VPS41: variants seen among roughly 807,000 people sequenced by gnomAD.
VPS41 encodes VPS41 subunit of HOPS complex, also known as vacuolar protein sorting-associated protein 41 homolog.
In VPS41, 85 loss-of-function variants were observed where a neutral mutation model predicts 130.9. The observed-to-expected ratio is 0.65, with a 90% CI of 0.55 to 0.78. The LOEUF is 0.78. VPS41 is among the 30% of genes least tolerant of loss of function. The probability of loss-of-function intolerance (pLI) is 0.00; values close to 1 mark genes in which losing one functional copy is unlikely to be tolerated. For synonymous variants in VPS41, 335 were observed against 332.9 expected (o/e 1.01, Z -0.07); for missense variants, 874 against 1,018.7 (o/e 0.86, Z 1.93).
At chr7:38,809,346 T>A (rs2116054967) in intron 7 of VPS41, among the ~76,000 whole-genome samples, 1 of 147,404 alleles carries the variant, frequency 6.8e-6, no homozygotes, top group African/African-American at 2.4e-5. Flanking sequence ...TATATATATG[T>A]ATATTTTATA....
At position 38,726,226 on chromosome 7, in the gene VPS41, G is replaced by A. The variant is rs753588276; in HGVS notation, c.*20C>T. 1.4e-5 allele frequency: 22 copies of A among 1,575,414 alleles called. 1 individual carries two copies. In the South Asian group the frequency reaches 2.2e-4, roughly 16 times the overall value. On this transcript the variant is annotated 3_prime_UTR_variant, in exon 29 of 29. Coordinates refer to ENST00000310301, the MANE Select transcript of VPS41 (RefSeq NM_014396.4). ...GTCTCAAAAAGAGTGGTGACAAGGA[G>A]ACTGACAAGGAGAAATGAGCTATTT...
At position 38,726,914 on chromosome 7, in the gene VPS41, T is replaced by C; in HGVS notation, c.2479A>G (p.Ser827Gly). The C allele has an allele frequency of 1.9e-6, 3 of 1,566,130 alleles. No homozygotes were observed. Among genetic ancestry groups the C allele is most frequent in the Non-Finnish European group, 2.6e-6 (3 of 1,157,178 alleles). The stretch of plus-strand genomic sequence containing the variant: ...GTGCCAAGCTGCCAACTCACCATGC[T>C]GGGCATGGGCAGGCACTCCTTGTGG... ...MFHKECLPMP[S>G]MNSAAQFCNI... The change falls in exon 28 of 29, where the codon AGC (serine) becomes GGC (glycine). Residue 827 changes from serine (S) to glycine (G), a missense_variant. Coordinates refer to ENST00000310301, the MANE Select transcript of VPS41 (RefSeq NM_014396.4).
chr7:38,870,984 G>A (rs1266963189), intron 2 of VPS41, among the ~76,000 whole-genome samples: 1 of 151,744 alleles, frequency 6.6e-6, no homozygotes, highest in African/African-American at 2.4e-5. Flanking sequence ...AAGAATAAAT[G>A]GAAGGAAAAT....
intron 19 of VPS41, among the ~76,000 whole-genome samples, chr7:38,755,956 T>C (rs1220994655): frequency 3.3e-5 from 5 of 152,194 alleles, no homozygotes; most frequent in Admixed American, 6.5e-5. Flanking sequence ...TGACTCAGTA[T>C]TTTAAAAAGG....
intron 6 of VPS41, among the ~76,000 whole-genome samples, chr7:38,820,520 C>T (rs541712787): frequency 6.6e-6 from 1 of 152,290 alleles, no homozygotes; most frequent in South Asian, 2.1e-4. Context: ...TATACAGTCA[C>T]CATATTAATT....
chr7:38,765,829 T>A (rs1784033038), intron 15 of VPS41, 168 bp from the exon 16 acceptor site: 1 of 511,354 alleles, frequency 2.0e-6, no homozygotes, highest in East Asian at 3.2e-5. Flanking sequence ...GATATTACTG[T>A]TACTCATTTG....
At chr7:38,857,314 T>C (rs1019153382) in intron 4 of VPS41, among the ~76,000 whole-genome samples, 4 of 152,234 alleles carry the variant, frequency 2.6e-5, no homozygotes, top group African/African-American at 7.2e-5. Context: ...ATTTTATAAA[T>C]ATTTATATAA....
intron 9 of VPS41, among the ~76,000 whole-genome samples, chr7:38,794,156 C>A (rs1784580084): frequency 6.6e-6 from 1 of 152,104 alleles, no homozygotes; most frequent in African/African-American, 2.4e-5. Context: ...AACTAACAAG[C>A]AACCTGGTCC....
chr7:38,811,419 T>C (rs1216396343), intron 7 of VPS41, among the ~76,000 whole-genome samples: 2 of 152,058 alleles, frequency 1.3e-5, no homozygotes, highest in Non-Finnish European at 2.9e-5. Flanking sequence ...ATTTACATGA[T>C]AAAATTTAAT....
In VPS41 at chr7:38,737,700, A is replaced by T. The variant is rs78432791; in HGVS notation, c.2259+4285T>A. 6.6e-5 allele frequency among the ~76,000 whole-genome samples: 10 copies of T among 152,336 alleles called. No individual in the cohort carries two copies. The East Asian group carries it at 1.9e-3, about 29-fold the overall frequency. ...GATACAAATATGGGGGTCGATCACC[A>T]CAATAACACAAGTCCAGAGGAGTTT... On this transcript the variant is annotated intron_variant, in intron 25 of 28. Transcript: ENST00000310301.
intron 5 of VPS41, among the ~76,000 whole-genome samples, chr7:38,824,284 T>A (rs921100267): frequency 6.6e-6 from 1 of 152,228 alleles, no homozygotes; most frequent in Non-Finnish European, 1.5e-5. Context: ...AACACACCTG[T>A]ACAGTTAAAA....
intron 5 of VPS41, among the ~76,000 whole-genome samples, chr7:38,826,780 T>C (rs1001688767): frequency 2.0e-5 from 3 of 152,152 alleles, no homozygotes; most frequent in Admixed American, 1.3e-4. Context: ...CTCTATGGCA[T>C]ATAAAAAGTA....
At chr7:38,752,064 C>T in intron 22 of VPS41, 112 bp downstream of exon 22, 1 of 1,448,408 alleles carries the variant, frequency 6.9e-7, no homozygotes, top group Non-Finnish European at 9.4e-7. Flanking sequence ...AACAGTCTTC[C>T]CCCTGGAAAG....
At chr7:38,736,623 C>A (rs1215240603) in intron 25 of VPS41, among the ~76,000 whole-genome samples, 1 of 152,222 alleles carries the variant, frequency 6.6e-6, no homozygotes, top group Non-Finnish European at 1.5e-5. Context: ...ATGGGCCCAG[C>A]AGTGAGAGAT....
At chr7:38,833,070 T>C (rs1785423716) in intron 4 of VPS41, among the ~76,000 whole-genome samples, 1 of 152,222 alleles carries the variant, frequency 6.6e-6, no homozygotes, top group Non-Finnish European at 1.5e-5. Context: ...GTAAAAACTT[T>C]CAAGCTACTT....
At chr7:38,758,292 A>G (rs961125245) in intron 18 of VPS41, 62 bp downstream of exon 18, 5 of 1,489,556 alleles carry the variant, frequency 3.4e-6, no homozygotes, top group Non-Finnish European at 4.5e-6. Flanking sequence ...TGCCAAATCT[A>G]AAGTATGAAA....
At chr7:38,726,852 A>C in intron 28 of VPS41, 57 bp downstream of exon 28, 1 of 1,418,096 alleles carries the variant, frequency 7.1e-7, no homozygotes, top group Middle Eastern at 1.9e-4. Flanking sequence ...TTTAAAGCAC[A>C]TTCCTCTAAG....
chr7:38,771,526 T>C (rs970867459), intron 13 of VPS41, among the ~76,000 whole-genome samples: 2 of 152,206 alleles, frequency 1.3e-5, no homozygotes, highest in Non-Finnish European at 2.9e-5. Flanking sequence ...CCATTTGAAT[T>C]CATTTCCTCA....
At chr7:38,787,197 A>G (rs1362403711) in intron 10 of VPS41, among the ~76,000 whole-genome samples, 2 of 152,178 alleles carry the variant, frequency 1.3e-5, no homozygotes, top group Admixed American at 6.5e-5. Flanking sequence ...TCAATCATTA[A>G]TTCCTTGCAT....
Sources: gnomAD v4.1 joint callset for allele counts (sites outside exome capture counted in the v4.1 genomes callset) on GRCh38, gnomAD v4.1.1 for gene constraint, MANE v1.5 for transcripts, NCBI Gene and HGNC (gene_info 2026-07-23, HGNC 2026-07-21) for gene names.